The following PCDHAC1 variants were observed in gnomAD, a reference collection of about 807,000 sequenced individuals.
The protein encoded by PCDHAC1 is protocadherin alpha-C1.
PCDHAC1 carries 42 observed loss-of-function variants against 60.0 expected under a neutral mutation model. The observed-to-expected ratio is 0.70, with a 90% CI of 0.55 to 0.90. The LOEUF is 0.90. PCDHAC1 is among the 40% of genes least tolerant of loss of function. PCDHAC1 has a pLI of 0.00. For missense variants in PCDHAC1, 1,160 were observed against 1,222.3 expected (o/e 0.95, Z 0.76); for synonymous variants, 468 against 499.3 (o/e 0.94, Z 0.84).
intron 1 of PCDHAC1, among the ~76,000 whole-genome samples, chr5:140,964,144 C>A (rs970079716): frequency 6.6e-6 from 1 of 152,138 alleles, no homozygotes; most frequent in African/African-American, 2.4e-5. Context: ...TTGGCAGGAG[C>A]CTCAGTATAA....
At position 141,010,004 on chromosome 5, in the gene PCDHAC1, A is replaced by T; in HGVS notation, c.*67A>T. 1 of 1,573,418 alleles carries T rather than the reference A, an allele frequency of 6.4e-7. No individual in the cohort carries two copies. The highest frequency in any genetic ancestry group is 8.6e-7 in the Non-Finnish European group (1 of 1,163,824). ...TAATGGCAAATCTCTCCCATGTAGC[A>T]ATTCCCTGCTCCTTTTTCCTATCTA... On this transcript the variant is annotated 3_prime_UTR_variant, in exon 4 of 4. Transcript: ENST00000253807.
chr5:140,966,813 T>C (rs2096057002), intron 1 of PCDHAC1: 2 of 1,551,874 alleles, frequency 1.3e-6, no homozygotes, highest in Non-Finnish European at 8.7e-7. Context: ...CATCCACGGC[T>C]CCGGCGGCCC....
At chr5:140,966,425 G>A in intron 1 of PCDHAC1, 1 of 421,678 alleles carries the variant, frequency 2.4e-6, no homozygotes, top group South Asian at 9.9e-5. Flanking sequence ...GACTTGCTGA[G>A]CCCTCCTACC....
intron 1 of PCDHAC1, chr5:140,969,437 T>C (rs1429370144): frequency 1.8e-5 from 28 of 1,547,818 alleles, no homozygotes; most frequent in Non-Finnish European, 2.4e-5. Context: ...ACAAGAGTTA[T>C]CTGGTAAACT....
chr5:141,010,321 G>C lies in PCDHAC1; in HGVS notation c.*384G>C. On this transcript the variant is annotated 3_prime_UTR_variant, in exon 4 of 4. Transcript: ENST00000253807. Reference sequence around the variant, plus strand: ...GGCTGAAAAGTTTTGAGATTGAGCAGCTTGGGAGTTTGTGGCCACTGGGTA... The same window carrying C: ...GGCTGAAAAGTTTTGAGATTGAGCACCTTGGGAGTTTGTGGCCACTGGGTA... 7 of 1,541,244 alleles carry C rather than the reference G, an allele frequency of 4.5e-6. No homozygotes were observed. In the South Asian group the frequency reaches 8.5e-5, roughly 19 times the overall value.
intron 3 of PCDHAC1, among the ~76,000 whole-genome samples, chr5:141,000,804 G>A (rs2097964510): frequency 6.6e-6 from 1 of 151,886 alleles, no homozygotes; most frequent in African/African-American, 2.4e-5. Flanking sequence ...CTACTCAGAA[G>A]GCTGAGGTGG....
rs2084934742 is a variant in PCDHAC1 at position 140,928,097 on chromosome 5, C to T, written c.1205C>T (p.Pro402Leu). 2 of 1,614,054 alleles carry T rather than the reference C, an allele frequency of 1.2e-6. No homozygotes were observed. The highest frequency in any genetic ancestry group is 2.7e-5 in the African/African-American group (2 of 74,912). Residue 402 changes from proline to leucine, a missense_variant, in exon 1 of 4, where the codon CCC becomes CTC. By Grantham distance (98) the Pro-to-Leu change is moderately conservative. Coordinates refer to ENST00000253807, the MANE Select transcript of PCDHAC1 (RefSeq NM_018898.5). ...TACTACAGCCTGCTGATTGATGGGC[C>T]CCTGGACCGGGAGCAGATCAGTGAA... ...DNYYSLLIDG[P>L]LDREQISEYQ... is the part of the protein sequence containing the mutation.
intron 1 of PCDHAC1, among the ~76,000 whole-genome samples, chr5:140,953,120 C>T (rs2094851215): frequency 6.6e-6 from 1 of 152,154 alleles, no homozygotes; most frequent in South Asian, 2.1e-4. Context: ...GGACACAGAT[C>T]TAAACCGTAT....
At chr5:140,967,624 G>C (rs950749188) in intron 1 of PCDHAC1, 1 of 1,614,158 alleles carries the variant, frequency 6.2e-7, no homozygotes, top group Non-Finnish European at 8.5e-7. Flanking sequence ...ACCCGGATGA[G>C]GGCTCCAATG....
intron 1 of PCDHAC1, among the ~76,000 whole-genome samples, chr5:140,945,037 T>C (rs2093728945): frequency 6.6e-6 from 1 of 152,178 alleles, no homozygotes; most frequent in Non-Finnish European, 1.5e-5. Context: ...TAATTATCTT[T>C]GGTCTTATAT....
intron 3 of PCDHAC1, among the ~76,000 whole-genome samples, chr5:141,001,477 A>T (rs2098020508): frequency 6.6e-6 from 1 of 152,176 alleles, no homozygotes; most frequent in South Asian, 2.1e-4. Flanking sequence ...AGCAGCGGGG[A>T]AGTGCTGGAA....
chr5:141,011,102 CT>C lies in PCDHAC1; in HGVS notation c.*1166del, dbSNP rs2098419453. The C allele has an allele frequency of 1.3e-5, 2 of 153,744 alleles. No homozygotes were observed. The highest frequency in any genetic ancestry group is 6.5e-5 in the Admixed American group (1 of 15,280). The allele number at this position is 153,744 out of a possible 1,614,324, so 9.5% of individuals were successfully genotyped here. On this transcript the variant is annotated 3_prime_UTR_variant, in exon 4 of 4. Transcript: ENST00000253807. ...ATGATCTCTCTTTCTCTCTCTCTCT[CT>C]CTTTTCTAAGAAACAATTATGTGCA...
In PCDHAC1 at chr5:141,010,329, G is replaced by C; in HGVS notation, c.*392G>C. On this transcript the variant is annotated 3_prime_UTR_variant, in exon 4 of 4. Coordinates refer to ENST00000253807, the MANE Select transcript of PCDHAC1 (RefSeq NM_018898.5). ...AGTTTTGAGATTGAGCAGCTTGGGAGTTTGTGGCCACTGGGTATGTGTGGC... is the reference window on the plus strand; with the variant it reads ...AGTTTTGAGATTGAGCAGCTTGGGACTTTGTGGCCACTGGGTATGTGTGGC... 6.5e-7 allele frequency: 1 copy of C among 1,538,672 alleles called. No individual in the cohort carries two copies. Among genetic ancestry groups the C allele is most frequent in the Non-Finnish European group, 8.8e-7 (1 of 1,142,532 alleles).
rs114351206 is a variant in PCDHAC1 at position 140,991,799 on chromosome 5, G to A, written c.2581+9236G>A. Among the ~76,000 whole-genome samples the A allele has an allele frequency of 3.8e-3, 580 of 152,160 alleles. 3 individuals are homozygous for A. The highest frequency in any genetic ancestry group is 0.013 in the African/African-American group (548 of 41,490). On this transcript the variant is annotated intron_variant, in intron 3 of 3. Coordinates refer to ENST00000253807, the MANE Select transcript of PCDHAC1 (RefSeq NM_018898.5). ...ACTCTGCCCATTTCCCAATCTCAAG[G>A]CCACTTCCGCATTTTTAGGCATTTA... is the stretch of plus-strand genomic sequence containing the variant.
intron 1 of PCDHAC1, among the ~76,000 whole-genome samples, chr5:140,970,781 G>A (rs2096433448): frequency 6.6e-6 from 1 of 152,042 alleles, no homozygotes; most frequent in Admixed American, 6.6e-5. Context: ...CATACATATT[G>A]TATGTAATAT....
intron 2 of PCDHAC1, among the ~76,000 whole-genome samples, chr5:140,979,611 C>T (rs549836811): frequency 5.9e-5 from 9 of 152,266 alleles, no homozygotes; most frequent in South Asian, 2.1e-4. Flanking sequence ...CCTAGAGTAA[C>T]GGTATTAGTC....
At position 140,938,754 on chromosome 5, in the gene PCDHAC1, A is replaced by G. The variant is rs79400957; in HGVS notation, c.2433+9429A>G. Among the ~76,000 whole-genome samples the G allele has an allele frequency of 2.9e-3, 442 of 152,274 alleles. 1 individual carries two copies. Among genetic ancestry groups the G allele is most frequent in the African/African-American group, 0.01 (423 of 41,554 alleles). The stretch of plus-strand genomic sequence containing the variant: ...AAAAAATAATTATTTTTAAAGGCAT[A>G]GTTATTGGGTACTAGACTTAGTACC... On this transcript the variant is annotated intron_variant, in intron 1 of 3. Transcript: ENST00000253807.
At chr5:140,969,908 T>C (rs1586401643) in intron 1 of PCDHAC1, among the ~76,000 whole-genome samples, 4 of 152,184 alleles carry the variant, frequency 2.6e-5, no homozygotes, top group Non-Finnish European at 4.4e-5. Context: ...ATGTCACAAG[T>C]GATAAAGCTG....
chr5:140,966,047 T>G (rs1463127286), intron 1 of PCDHAC1, among the ~76,000 whole-genome samples: 1 of 152,214 alleles, frequency 6.6e-6, no homozygotes, highest in Admixed American at 6.5e-5. Flanking sequence ...CCATCGCCAG[T>G]AACCCCAGAG....
Sources: gnomAD v4.1 joint callset for allele counts (sites outside exome capture counted in the v4.1 genomes callset) on GRCh38, gnomAD v4.1.1 for gene constraint, MANE v1.5 for transcripts, NCBI Gene and HGNC (gene_info 2026-07-23, HGNC 2026-07-21) for gene names.